Variants in MALAT1 observed in about 807,000 individuals in gnomAD.
The protein encoded by MALAT1 is hepcarcin.
chr11:65,503,637 TAGAA>T (rs763158314), exon 3 of MALAT1: 26 of 511,782 alleles, frequency 5.1e-5, no homozygotes, highest in Non-Finnish European at 7.4e-5. Flanking sequence ...TGTATACTTT[TAGAA>T]AGCTGTCTCC....
At chr11:65,498,420 T>C (rs544931115) in intron 1 of MALAT1, 3 of 518,580 alleles carry the variant, frequency 5.8e-6, no homozygotes, top group Non-Finnish European at 7.7e-6. Flanking sequence ...GGAGCAGCTC[T>C]GTGGTGTGGG....
chr11:65,501,800 TAA>T (rs752044550), exon 3 of MALAT1: 4 of 518,672 alleles, frequency 7.7e-6, no homozygotes, highest in Non-Finnish European at 1.5e-5. Context: ...ATGTTGAAGT[TAA>T]GTTTTCCAAT....
chr11:65,504,321 T>A (rs772697871), intron 3 of MALAT1: 21 of 496,884 alleles, frequency 4.2e-5, no homozygotes, highest in Non-Finnish European at 7.5e-5. Flanking sequence ...TTTTTTTTTT[T>A]ACAGACTTCA....
At chr11:65,500,425 A>C (rs1237586981) in exon 3 of MALAT1, 1 of 519,004 alleles carries the variant, frequency 1.9e-6, no homozygotes. Flanking sequence ...GATTCAGTGA[A>C]TCTAGGAAGA....
chr11:65,505,258 A>T, intron 3 of MALAT1: 1 of 518,532 alleles, frequency 1.9e-6, no homozygotes, highest in Non-Finnish European at 3.9e-6. Context: ...AGGAGAGACA[A>T]CAAAGCGCTA....
chr11:65,499,226 A>C, exon 3 of MALAT1: 1 of 503,946 alleles, frequency 2.0e-6, no homozygotes, highest in Non-Finnish European at 3.9e-6. Context: ...TAATAGCTTA[A>C]GATTTTAAGA....
At chr11:65,505,279 G>T (rs554808023) in intron 3 of MALAT1, 1 of 518,810 alleles carries the variant, frequency 1.9e-6, no homozygotes. Context: ...TTATCCTAAG[G>T]TCAAGAGAAG....
Position 65,501,182 on chromosome 11 carries a change from T to C in MALAT1, n.2445T>C, listed in dbSNP as rs372109226. Reference sequence around the variant, plus strand: ...TCACCCTGAATTCGTTTTGTAAATGTAGAGTTTGGATGTGTAACTGAGGCG... The same window carrying C: ...TCACCCTGAATTCGTTTTGTAAATGCAGAGTTTGGATGTGTAACTGAGGCG... On this transcript the variant is annotated non_coding_transcript_exon_variant, in exon 3 of 4. Transcript: ENST00000619449. The C allele has an allele frequency of 2.1e-4, 109 of 512,202 alleles. 1 individual carries two copies. In the Middle Eastern group the frequency reaches 5.1e-3, roughly 24 times the overall value. 31.7% of individuals were successfully genotyped at this position (512,202 alleles called of 1,614,324 possible). A position where few individuals can be genotyped will look rare whatever the true frequency, so the allele number is the denominator to read the frequency against.
chr11:65,505,223 G>A (rs900523856), intron 3 of MALAT1: 4 of 518,394 alleles, frequency 7.7e-6, no homozygotes, highest in African/African-American at 7.7e-5. Flanking sequence ...CTTAAAGTAG[G>A]ACAACCATGG....
chr11:65,499,555 G>A (rs1249613371), exon 3 of MALAT1: 2 of 456,982 alleles, frequency 4.4e-6, no homozygotes, highest in Non-Finnish European at 8.8e-6. Context: ...GGAGAATTGC[G>A]TCATTTAAAG....
At chr11:65,506,009 C>T (rs916417953) in intron 3 of MALAT1, 4 of 464,482 alleles carry the variant, frequency 8.6e-6, no homozygotes, top group African/African-American at 2.1e-5. Context: ...CTCCAATGCT[C>T]TTCAGTAGGG....
exon 3 of MALAT1, chr11:65,503,103 TTCGTTTG>T (rs762582136): frequency 2.0e-6 from 1 of 509,328 alleles, no homozygotes; most frequent in Non-Finnish European, 3.9e-6. Flanking sequence ...GTGCCAATGT[TTCGTTTG>T]CCTCAGACAG....
At chr11:65,500,499 AAGC>A (rs760818579) in exon 3 of MALAT1, 1 of 518,970 alleles carries the variant, frequency 1.9e-6, no homozygotes, top group Non-Finnish European at 3.8e-6. Context: ...GCAAGCGAGC[AAGC>A]AGCAGTTCGT....
At chr11:65,499,980 C>T (rs1854503587) in exon 3 of MALAT1, 1 of 425,958 alleles carries the variant, frequency 2.3e-6, no homozygotes, top group African/African-American at 2.1e-5. Context: ...GATAAAATAG[C>T]ACTGAAAAAA....
chr11:65,497,789 C>G (rs763056796), exon 1 of MALAT1: 7 of 482,664 alleles, frequency 1.5e-5, no homozygotes, highest in Non-Finnish European at 2.5e-5. Context: ...CGCAACTGGC[C>G]TCTCCTGCCC....
At chr11:65,501,209 G>T (rs1004494389) in exon 3 of MALAT1, 1 of 485,668 alleles carries the variant, frequency 2.1e-6, no homozygotes, top group Non-Finnish European at 4.1e-6. Context: ...ACTGAGGCGG[G>T]GGGGAGTTTT....
chr11:65,504,621 G>A (rs1854635110), intron 3 of MALAT1: 1 of 518,816 alleles, frequency 1.9e-6, no homozygotes, highest in South Asian at 1.4e-5. Context: ...TTCATTTCTG[G>A]TGGTGGGAGG....
chr11:65,504,069 C>T (rs141917157), intron 3 of MALAT1: 1 of 518,044 alleles, frequency 1.9e-6, no homozygotes, highest in Non-Finnish European at 3.9e-6. Flanking sequence ...ATGTTTTACA[C>T]TATTGACCTT....
At chr11:65,498,326 C>A (rs745704519) in intron 1 of MALAT1, 1 of 517,950 alleles carries the variant, frequency 1.9e-6, no homozygotes, top group South Asian at 1.4e-5. Flanking sequence ...AATTTCCGTG[C>A]GGGCCGTGGG....
Sources: allele counts gnomAD v4.1 joint callset, GRCh38; gene constraint gnomAD v4.1.1; transcripts MANE v1.5; gene names NCBI Gene and HGNC (gene_info 2026-07-23, HGNC 2026-07-21).